CNTNAP2: variants seen among roughly 807,000 people sequenced by gnomAD.
CNTNAP2 encodes contactin-associated protein-like 2.
Under a neutral mutation model 155.2 loss-of-function variants are expected in CNTNAP2, and 98 were observed. The ratio of observed to expected loss-of-function variants is 0.63; its 90% confidence interval spans 0.54 to 0.75. The LOEUF (loss-of-function observed/expected upper bound fraction) is 0.75. CNTNAP2 is among the 30% of genes least tolerant of loss of function. The pLI is 0.00. For synonymous variants in CNTNAP2, 651 were observed against 631.2 expected, an observed-to-expected ratio of 1.03 and a Z score of -0.47; for missense variants, 1,727 against 1,688.1, an observed-to-expected ratio of 1.02 and a Z score of -0.40.
At chr7:147,161,412 G>A (rs1213114649) in intron 8 of CNTNAP2, among the ~76,000 whole-genome samples, 2 of 152,046 alleles carry the variant, frequency 1.3e-5, no homozygotes, top group African/African-American at 2.4e-5. Context: ...ATGTTTATGT[G>A]TAATTAAGGA....
At chr7:147,285,969 G>A (rs1180632583) in intron 8 of CNTNAP2, among the ~76,000 whole-genome samples, 8 of 151,926 alleles carry the variant, frequency 5.3e-5, no homozygotes, top group African/African-American at 1.7e-4. Context: ...ACTCTGATTT[G>A]TAAAATATAG....
intron 8 of CNTNAP2, among the ~76,000 whole-genome samples, chr7:147,136,046 T>G (rs771158920): frequency 1.6e-3 from 237 of 151,930 alleles, no homozygotes; most frequent in Non-Finnish European, 2.8e-3. Flanking sequence ...AAACCTACCT[T>G]TTGAAGTAAG....
intron 4 of CNTNAP2, among the ~76,000 whole-genome samples, chr7:147,053,646 T>TA (rs1307078946): frequency 1.3e-5 from 2 of 152,110 alleles, no homozygotes; most frequent in Non-Finnish European, 2.9e-5. Context: ...ATTAGACCTA[T>TA]GTCTGTCACT....
At chr7:147,700,596 T>C (rs1584907262) in intron 13 of CNTNAP2, among the ~76,000 whole-genome samples, 1 of 152,122 alleles carries the variant, frequency 6.6e-6, no homozygotes, top group East Asian at 1.9e-4. Context: ...GAGTGCTAAA[T>C]TGAAGAAATA....
intron 1 of CNTNAP2, among the ~76,000 whole-genome samples, chr7:146,163,571 ATCTATCTATCTATC>A (rs1220654616): frequency 3.0e-5 from 3 of 98,968 alleles, no homozygotes; most frequent in Non-Finnish European, 4.4e-5. Context: ...ATCTATCTAT[ATCTATCTATCTATC>A]TATATATATA....
intron 4 of CNTNAP2, among the ~76,000 whole-genome samples, chr7:147,052,973 A>G (rs1799498361): frequency 6.6e-6 from 1 of 152,072 alleles, no homozygotes; most frequent in East Asian, 1.9e-4. Flanking sequence ...GAGCACATGT[A>G]GTATTCTTTA....
At chr7:146,827,290 C>T (rs1323752115) in intron 2 of CNTNAP2, among the ~76,000 whole-genome samples, 1 of 151,922 alleles carries the variant, frequency 6.6e-6, no homozygotes, top group African/African-American at 2.4e-5. Context: ...TTACTTAGTA[C>T]TTGTTCAGGG....
intron 17 of CNTNAP2, among the ~76,000 whole-genome samples, chr7:148,157,819 A>G (rs148984716): frequency 6.6e-6 from 1 of 152,352 alleles, no homozygotes; most frequent in African/African-American, 2.4e-5. Context: ...ATTGCCATAC[A>G]TTAAAGAGTA....
rs1180062459 is a variant in CNTNAP2, at chr7:146,176,095, C to A, written c.97+59122C>A. On this transcript the variant is annotated intron_variant, in intron 1 of 23. Transcript: ENST00000361727. ...TATATACTTTAGAAAGACATTTAAACTTCTTCTTTTACATGTCAGAATAAA... is the reference window on the plus strand; with the variant it reads ...TATATACTTTAGAAAGACATTTAAAATTCTTCTTTTACATGTCAGAATAAA... Among the ~76,000 whole-genome samples, 2 of 149,092 alleles carry A rather than the reference C, an allele frequency of 1.3e-5. 1 individual carries two copies. Among genetic ancestry groups the A allele is most frequent in the Non-Finnish European group, 2.9e-5 (2 of 68,014 alleles).
At chr7:146,652,755 C>T (rs1001713096) in intron 1 of CNTNAP2, among the ~76,000 whole-genome samples, 1 of 152,060 alleles carries the variant, frequency 6.6e-6, no homozygotes, top group Non-Finnish European at 1.5e-5. Context: ...TGTAGAATTA[C>T]AATAAAGTAA....
chr7:147,474,664 T>G (rs1798284071), intron 10 of CNTNAP2, among the ~76,000 whole-genome samples: 1 of 152,008 alleles, frequency 6.6e-6, no homozygotes, highest in Non-Finnish European at 1.5e-5. Flanking sequence ...TATAATATAG[T>G]GTAGCACAGA....
In CNTNAP2 at chr7:146,767,393, T is replaced by C. The variant is rs553352189; in HGVS notation, c.98-6878T>C. On this transcript the variant is annotated intron_variant, in intron 1 of 23. Coordinates refer to ENST00000361727, the MANE Select transcript of CNTNAP2 (RefSeq NM_014141.6). ...TAAAGACCAGATTGTAAATGTTTTT[T>C]GTTTGTTTATTTGCGTGCATATCTA... 2.1e-4 allele frequency among the ~76,000 whole-genome samples: 32 copies of C among 152,324 alleles called. No homozygotes were observed. The South Asian group carries it at 6.6e-3, about 32-fold the overall frequency.
chr7:148,400,845 T>C (rs982371831), intron 22 of CNTNAP2, among the ~76,000 whole-genome samples: 11 of 152,176 alleles, frequency 7.2e-5, no homozygotes, highest in African/African-American at 2.6e-4. Context: ...CCGGGCATGG[T>C]GGCGCATGCC....
Position 148,283,254 on chromosome 7 carries a change from A to AAGAAAAGAAAAG in CNTNAP2, c.3475+16129_3475+16130insGAAAAGAAAAGA, listed in dbSNP as rs374973083. 1.9e-4 allele frequency among the ~76,000 whole-genome samples: 12 copies of AAGAAAAGAAAAG among 64,056 alleles called. No individual in the cohort carries two copies. In the East Asian group the frequency reaches 2.4e-3, roughly 13 times the overall value. 42.0% of individuals were successfully genotyped at this position (64,056 alleles called of 152,430 possible). On this transcript the variant is annotated intron_variant, in intron 21 of 23. Coordinates refer to ENST00000361727, the MANE Select transcript of CNTNAP2 (RefSeq NM_014141.6). ...AACTCTGTCTCAAAAAAAAAAAAAAAAAAAGAAAGAAAGAAAGAAAGAAAG... is the reference window on the plus strand; with the variant it reads ...AACTCTGTCTCAAAAAAAAAAAAAAAAGAAAAGAAAAGAAAAGAAAGAAAGAAAGAAAGAAAG...
chr7:148,000,335 G>A (rs375628979), intron 15 of CNTNAP2, among the ~76,000 whole-genome samples: 13 of 152,218 alleles, frequency 8.5e-5, no homozygotes, highest in East Asian at 1.9e-4. Context: ...TAGGACCCCG[G>A]GATGATGTTG....
chr7:146,581,508 G>T (rs1018338852), intron 1 of CNTNAP2, among the ~76,000 whole-genome samples: 1 of 151,944 alleles, frequency 6.6e-6, no homozygotes, highest in African/African-American at 2.4e-5. Context: ...ATAGAATATT[G>T]AAAGTGACCT....
intron 8 of CNTNAP2, among the ~76,000 whole-genome samples, chr7:147,223,000 A>G (rs967336539): frequency 1.3e-5 from 2 of 152,048 alleles, no homozygotes; most frequent in Non-Finnish European, 2.9e-5. Context: ...CATATTGCAA[A>G]ATGATTCATT....
intron 8 of CNTNAP2, among the ~76,000 whole-genome samples, chr7:147,286,391 G>T (rs1249290712): frequency 2.0e-5 from 3 of 151,910 alleles, no homozygotes; most frequent in African/African-American, 7.2e-5. Context: ...ACAAAACAGT[G>T]ACTGTAAACA....
intron 1 of CNTNAP2, among the ~76,000 whole-genome samples, chr7:146,133,292 C>T (rs1484156670): frequency 6.6e-6 from 1 of 151,130 alleles, no homozygotes; most frequent in East Asian, 2.0e-4. Context: ...TGTTTGAGTT[C>T]ATTGTAGATT....
Sources: allele counts gnomAD v4.1 joint callset (sites outside exome capture counted in the v4.1 genomes callset), GRCh38; gene constraint gnomAD v4.1.1; transcripts MANE v1.5; gene names NCBI Gene and HGNC (gene_info 2026-07-23, HGNC 2026-07-21).